Variants in FUT9 observed in about 807,000 individuals in gnomAD.
FUT9 encodes fucosyltransferase 9.
Under a neutral mutation model 29.7 loss-of-function variants are expected in FUT9, and 15 were observed. The observed-to-expected ratio is 0.51, with a 90% CI of 0.34 to 0.78. FUT9 has a LOEUF of 0.78. FUT9 is among the 30% of genes least tolerant of loss of function. FUT9 has a pLI of 0.01. For synonymous variants in FUT9, 169 were observed against 153.7 expected, an observed-to-expected ratio of 1.10 and a Z score of -0.74; for missense variants, 319 against 425.4, an observed-to-expected ratio of 0.75 and a Z score of 2.20.
chr6:96,192,157 C>G (rs1773523982), intron 2 of FUT9, among the ~76,000 whole-genome samples: 1 of 152,124 alleles, frequency 6.6e-6, no homozygotes. Context: ...CAGAGATGCC[C>G]TCTCTCACCA....
At chr6:96,162,078 C>T (rs1410462230) in intron 2 of FUT9, among the ~76,000 whole-genome samples, 1 of 152,060 alleles carries the variant, frequency 6.6e-6, no homozygotes, top group Non-Finnish European at 1.5e-5. Context: ...TTAAATTTTT[C>T]ATCTGTTCTT....
At chr6:96,047,848 T>C (rs1296570063) in intron 1 of FUT9, among the ~76,000 whole-genome samples, 1 of 152,222 alleles carries the variant, frequency 6.6e-6, no homozygotes, top group Non-Finnish European at 1.5e-5. Flanking sequence ...TAGTTTTCTA[T>C]TCCTGCTATA....
chr6:96,106,821 A>C (rs17722653), intron 1 of FUT9, among the ~76,000 whole-genome samples: 5,927 of 152,314 alleles, frequency 0.039, 175 homozygotes, highest in South Asian at 0.12. Context: ...GAAGAGATGG[A>C]GTGCTTAAAC....
intron 1 of FUT9, among the ~76,000 whole-genome samples, chr6:96,021,750 C>T (rs532802823): frequency 1.4e-4 from 22 of 151,934 alleles, no homozygotes; most frequent in Admixed American, 5.9e-4. Context: ...TTAAATAATA[C>T]GTATTACATG....
intron 2 of FUT9, among the ~76,000 whole-genome samples, chr6:96,158,374 T>C (rs1420696984): frequency 6.6e-6 from 1 of 152,102 alleles, no homozygotes; most frequent in East Asian, 1.9e-4. Flanking sequence ...ATAATATATA[T>C]GATATGTGTG....
intron 2 of FUT9, among the ~76,000 whole-genome samples, chr6:96,193,947 G>T (rs754615015): frequency 2.0e-5 from 3 of 152,100 alleles, no homozygotes; most frequent in Non-Finnish European, 2.9e-5. Context: ...GCGAACTATC[G>T]CAAGGGCGAA....
intron 2 of FUT9, among the ~76,000 whole-genome samples, chr6:96,153,254 T>C (rs948019280): frequency 2.6e-5 from 4 of 152,154 alleles, no homozygotes; most frequent in African/African-American, 9.7e-5. Context: ...GAACAGCCTA[T>C]CAGACCATCT....
chr6:96,029,178 T>C (rs949000505), intron 1 of FUT9, among the ~76,000 whole-genome samples: 1 of 151,582 alleles, frequency 6.6e-6, no homozygotes, highest in Non-Finnish European at 1.5e-5. Flanking sequence ...CAAGCGATGA[T>C]AGAAATTATT....
At chr6:96,112,296 C>T (rs550995899) in intron 1 of FUT9, among the ~76,000 whole-genome samples, 6 of 152,288 alleles carry the variant, frequency 3.9e-5, no homozygotes, top group African/African-American at 1.4e-4. Context: ...CAATCACACA[C>T]ACCCACAAAA....
intron 1 of FUT9, among the ~76,000 whole-genome samples, chr6:96,058,512 T>C (rs1481816917): frequency 7.2e-6 from 1 of 138,254 alleles, no homozygotes; most frequent in Non-Finnish European, 1.5e-5. Flanking sequence ...CAGTTAGAAG[T>C]AATTGAACAC....
intron 2 of FUT9, among the ~76,000 whole-genome samples, chr6:96,194,767 G>A (rs1471508892): frequency 6.6e-6 from 1 of 151,936 alleles, no homozygotes; most frequent in Admixed American, 6.6e-5. Context: ...CAGAAGTGCT[G>A]GTGCTGACAG....
intron 2 of FUT9, among the ~76,000 whole-genome samples, chr6:96,202,662 A>G (rs1439768651): frequency 3.3e-5 from 5 of 152,204 alleles, no homozygotes; most frequent in Admixed American, 1.3e-4. Context: ...AAACAAAAAC[A>G]TAACGTTTTT....
At chr6:96,082,579 T>C (rs1461670919) in intron 1 of FUT9, among the ~76,000 whole-genome samples, 1 of 152,086 alleles carries the variant, frequency 6.6e-6, no homozygotes, top group South Asian at 2.1e-4. Context: ...AATTTCTTCA[T>C]CTGATACTTG....
At chr6:96,189,505 G>A (rs983869419) in intron 2 of FUT9, among the ~76,000 whole-genome samples, 1 of 152,158 alleles carries the variant, frequency 6.6e-6, no homozygotes, top group Non-Finnish European at 1.5e-5. Context: ...TGACAGTGGG[G>A]TGTTAAAGTC....
intron 2 of FUT9, among the ~76,000 whole-genome samples, chr6:96,136,342 T>G (rs1772349377): frequency 1.3e-5 from 2 of 151,872 alleles, no homozygotes; most frequent in Admixed American, 1.3e-4. Flanking sequence ...AAAAGTTAGA[T>G]TCAATGAGAA....
chr6:96,063,449 T>A (rs911358865), intron 1 of FUT9, among the ~76,000 whole-genome samples: 2 of 151,914 alleles, frequency 1.3e-5, no homozygotes, highest in Non-Finnish European at 2.9e-5. Context: ...AACAATCAGA[T>A]CTCATGTGAA....
In FUT9 at chr6:96,181,587, T is replaced by C. The variant is rs148825786; in HGVS notation, c.-8-21561T>C. ...TATTTGTAGTCTTTTATCCCTCTCCTTTCTCCCTGAGTACCCAAAGTCCAT... is the reference window on the plus strand; with the variant it reads ...TATTTGTAGTCTTTTATCCCTCTCCCTTCTCCCTGAGTACCCAAAGTCCAT... On this transcript the variant is annotated intron_variant, in intron 2 of 2. Coordinates refer to ENST00000302103, the MANE Select transcript of FUT9 (RefSeq NM_006581.4). Among the ~76,000 whole-genome samples the C allele has an allele frequency of 2.7e-4, 5 of 18,722 alleles. No homozygotes were observed. The Admixed American group carries it at 3.2e-3, about 12-fold the overall frequency. The allele number at this position is 18,722 out of a possible 152,430, so 12.3% of individuals were successfully genotyped here.
At chr6:96,037,152 T>C (rs1487895388) in intron 1 of FUT9, 1 of 151,998 alleles carries the variant, frequency 6.6e-6, no homozygotes, top group Admixed American at 6.6e-5. Flanking sequence ...CATTTTTTTA[T>C]TTTCTGGAGA....
At chr6:96,053,478 G>A (rs1770708979) in intron 1 of FUT9, among the ~76,000 whole-genome samples, 1 of 152,140 alleles carries the variant, frequency 6.6e-6, no homozygotes, top group African/African-American at 2.4e-5. Context: ...GGAGGCCGAG[G>A]CAGGTGGATT....
Sources: allele counts gnomAD v4.1 joint callset (sites outside exome capture counted in the v4.1 genomes callset), GRCh38; gene constraint gnomAD v4.1.1; transcripts MANE v1.5; gene names NCBI Gene and HGNC (gene_info 2026-07-23, HGNC 2026-07-21).